The following ARIH1 variants were observed in gnomAD, a reference collection of about 807,000 sequenced individuals.
ARIH1 encodes the protein ariadne RBR E3 ubiquitin protein ligase 1, also known as E3 ubiquitin-protein ligase ARIH1.
In ARIH1, 8 loss-of-function variants were observed where a neutral mutation model predicts 85.0. The ratio of observed to expected loss-of-function variants is 0.09; its 90% CI spans 0.06 to 0.17. ARIH1 has a LOEUF of 0.17. Ranked by LOEUF, ARIH1 falls within the 10% of genes least tolerant of loss-of-function variation. The pLI is 1.00. For missense variants in ARIH1, 311 were observed against 718.1 expected, an observed-to-expected ratio of 0.43 and a Z score of 6.48; for synonymous variants, 238 against 253.6, an observed-to-expected ratio of 0.94 and a Z score of 0.59.
intron 2 of ARIH1, among the ~76,000 whole-genome samples, chr15:72,525,704 C>T (rs2064024520): frequency 6.6e-6 from 1 of 152,196 alleles, no homozygotes; most frequent in East Asian, 1.9e-4. Flanking sequence ...CAGTCCCTTT[C>T]CATTACTTCT....
At chr15:72,513,774 CCCCTCT>C (rs2063961465) in intron 1 of ARIH1, among the ~76,000 whole-genome samples, 1 of 8,292 alleles carries the variant, frequency 1.2e-4, no homozygotes, top group African/African-American at 2.0e-4. Flanking sequence ...TCCCTCCCTC[CCCCTCT>C]CCCTCCCTCC....
At chr15:72,528,877 GTAT>G (rs1462249470) in intron 2 of ARIH1, among the ~76,000 whole-genome samples, 1 of 152,010 alleles carries the variant, frequency 6.6e-6, no homozygotes, top group Non-Finnish European at 1.5e-5. Context: ...AACAATTCAC[GTAT>G]TATTGAGGAG....
At chr15:72,563,812 C>T (rs770076430) in intron 7 of ARIH1, among the ~76,000 whole-genome samples, 3 of 152,070 alleles carry the variant, frequency 2.0e-5, no homozygotes, top group Admixed American at 1.3e-4. Flanking sequence ...TGGGACTATA[C>T]GTTTTTCTTT....
chr15:72,502,747 A>C (rs2063908949), intron 1 of ARIH1, among the ~76,000 whole-genome samples: 1 of 152,190 alleles, frequency 6.6e-6, no homozygotes, highest in Non-Finnish European at 1.5e-5. Flanking sequence ...CAGAAGTTGC[A>C]GTGAGCCAAG....
intron 3 of ARIH1, among the ~76,000 whole-genome samples, chr15:72,549,292 T>A (rs2064143125): frequency 6.6e-6 from 1 of 152,122 alleles, no homozygotes; most frequent in Admixed American, 6.6e-5. Context: ...TCCACCATGT[T>A]GTCCAGGCTG....
At chr15:72,506,451 C>T (rs2063926300) in intron 1 of ARIH1, among the ~76,000 whole-genome samples, 1 of 151,046 alleles carries the variant, frequency 6.6e-6, no homozygotes, top group East Asian at 1.9e-4. Flanking sequence ...TGTTTTTCAG[C>T]CAATTGTAAT....
intron 3 of ARIH1, among the ~76,000 whole-genome samples, chr15:72,552,555 G>T (rs2064157168): frequency 6.6e-6 from 1 of 152,132 alleles, no homozygotes; most frequent in Non-Finnish European, 1.5e-5. Flanking sequence ...CTCCCAAAGT[G>T]CTGGGCTTAC....
At chr15:72,568,058 TTC>T (rs1272642463) in intron 9 of ARIH1, among the ~76,000 whole-genome samples, 69 of 152,322 alleles carry the variant, frequency 4.5e-4, no homozygotes, top group African/African-American at 1.7e-3. Flanking sequence ...GAATTTATAT[TTC>T]TGTCTCCCAG....
At chr15:72,506,026 G>C (rs1269352800) in intron 1 of ARIH1, among the ~76,000 whole-genome samples, 1 of 151,834 alleles carries the variant, frequency 6.6e-6, no homozygotes, top group Non-Finnish European at 1.5e-5. Flanking sequence ...GAGCCACTGT[G>C]CCCAGCCAAT....
intron 1 of ARIH1, among the ~76,000 whole-genome samples, chr15:72,497,775 C>G (rs2063885795): frequency 6.6e-6 from 1 of 152,126 alleles, no homozygotes; most frequent in South Asian, 2.1e-4. Flanking sequence ...AAAAGTCAGA[C>G]AAAAATATGT....
chr15:72,562,881 G>A (rs553086278), intron 6 of ARIH1, among the ~76,000 whole-genome samples: 2 of 131,864 alleles, frequency 1.5e-5, no homozygotes, highest in Non-Finnish European at 3.2e-5. Flanking sequence ...CAGGTCTTCA[G>A]GGATCAGTCA....
chr15:72,507,178 G>A (rs549690939), intron 1 of ARIH1, among the ~76,000 whole-genome samples: 2 of 152,080 alleles, frequency 1.3e-5, no homozygotes, highest in Admixed American at 1.3e-4. Context: ...GCACACCACC[G>A]TGCCCGGCTA....
At position 72,497,831 on chromosome 15, in the gene ARIH1, T is replaced by G. The variant is rs559161466; in HGVS notation, c.376-20236T>G. Reference sequence around the variant, plus strand: ...TGTTGGGTTTTCAAACCAGCAATCTTAGCTGTAAAACCTAAGATCTTACCA... The same window carrying G: ...TGTTGGGTTTTCAAACCAGCAATCTGAGCTGTAAAACCTAAGATCTTACCA... On this transcript the variant is annotated intron_variant, in intron 1 of 13. Transcript: ENST00000379887. 5.0e-4 allele frequency among the ~76,000 whole-genome samples: 76 copies of G among 152,300 alleles called. 1 individual carries two copies. Among genetic ancestry groups the G allele is most frequent in the African/African-American group, 1.6e-3 (68 of 41,568 alleles).
chr15:72,564,200 C>T (rs147442745), intron 7 of ARIH1, among the ~76,000 whole-genome samples: 7 of 152,296 alleles, frequency 4.6e-5, no homozygotes, highest in African/African-American at 9.6e-5. Context: ...AGCTAAGCTG[C>T]GTCTTCAACA....
intron 2 of ARIH1, among the ~76,000 whole-genome samples, chr15:72,530,835 A>G (rs896339482): frequency 2.0e-5 from 3 of 152,244 alleles, no homozygotes; most frequent in African/African-American, 7.2e-5. Flanking sequence ...ATGATCCAGA[A>G]TTAAGTATAT....
chr15:72,505,505 G>A (rs542062627), intron 1 of ARIH1, among the ~76,000 whole-genome samples: 7 of 151,998 alleles, frequency 4.6e-5, no homozygotes, highest in African/African-American at 1.7e-4. Context: ...TTGAAAAAAT[G>A]TATAAATGGG....
intron 6 of ARIH1, 31 bp from the exon 7 acceptor site, chr15:72,563,363 G>C (rs764539975): frequency 6.3e-7 from 1 of 1,589,958 alleles, no homozygotes; most frequent in Non-Finnish European, 8.6e-7. Flanking sequence ...CCAGCCAGCT[G>C]TCATTTTTTA....
chr15:72,528,842 A>T (rs1250590914), intron 2 of ARIH1, among the ~76,000 whole-genome samples: 1 of 152,060 alleles, frequency 6.6e-6, no homozygotes, highest in Non-Finnish European at 1.5e-5. Flanking sequence ...ACCAAGTGAG[A>T]CCCTGTCTCA....
Position 72,539,285 on chromosome 15 carries a change from A to G in ARIH1, c.444-5535A>G, listed in dbSNP as rs1406699668. Among the ~76,000 whole-genome samples, 5 of 152,350 alleles carry G rather than the reference A, an allele frequency of 3.3e-5. 1 individual carries two copies. The South Asian group carries it at 1.0e-3, about 32-fold the overall frequency. ...GTGTGGATAGTTAAGAATCCAGCCT[A>G]TTCTTCTATGCCTGGACTACTATCC... On this transcript the variant is annotated intron_variant, in intron 2 of 13. Coordinates refer to ENST00000379887, the MANE Select transcript of ARIH1 (RefSeq NM_005744.5).
Sources: allele counts gnomAD v4.1 joint callset (sites outside exome capture counted in the v4.1 genomes callset), GRCh38; gene constraint gnomAD v4.1.1; transcripts MANE v1.5; gene names NCBI Gene and HGNC (gene_info 2026-07-23, HGNC 2026-07-21).